SYTL4: variants seen among roughly 807,000 people sequenced by gnomAD.
SYTL4 encodes the protein synaptotagmin-like protein 4.
Under a neutral mutation model 52.7 loss-of-function variants are expected in SYTL4, and 16 were observed. That is an observed-to-expected ratio of 0.30 (90% CI 0.21 to 0.46). SYTL4 has a LOEUF of 0.46. Among genes scored for constraint, SYTL4 ranks in the 20% least tolerant of loss-of-function variants. The probability of loss-of-function intolerance (pLI) is 1.00; values close to 1 mark genes in which losing one functional copy is unlikely to be tolerated. For missense variants in SYTL4, 423 were observed against 519.9 expected (o/e 0.81, Z 1.81); for synonymous variants, 160 against 186.6 (o/e 0.86, Z 1.16).
chrX:100,676,318 C>G (rs1262253763), intron 19 of SYTL4, 142 bp from the exon 20 acceptor site: 4 of 578,862 alleles, frequency 6.9e-6, no homozygotes, highest in Non-Finnish European at 1.1e-5. Flanking sequence ...GGGAAGTGCT[C>G]CCTCACCTGT....
intron 2 of SYTL4, among the ~76,000 whole-genome samples, chrX:100,716,450 C>CAAAAAAAAAAAAAAAA (rs200368843): frequency 3.9e-4 from 10 of 25,773 alleles, no homozygotes; most frequent in Admixed American, 6.2e-4. Context: ...AACTCCATCT[C>CAAAAAAAAAAAAAAAA]AAAAAAAAAA....
intron 2 of SYTL4, among the ~76,000 whole-genome samples, chrX:100,716,753 G>C (rs1226139268): frequency 2.7e-5 from 3 of 110,440 alleles, no homozygotes; most frequent in Non-Finnish European, 3.8e-5. Context: ...GTTGGTTATT[G>C]TATCAACTGC....
rs1331071941 is a variant in SYTL4 at position 100,688,530 on chromosome X, A to G, written c.913-87T>C. 4 of 785,454 alleles carry G rather than the reference A, an allele frequency of 5.1e-6. No individual in the cohort carries two copies. In the Admixed American group the frequency reaches 1.3e-4, roughly 25 times the overall value. The allele number at this position is 785,454 out of a possible 1,213,427, so 64.7% of individuals were successfully genotyped here. A position where few individuals can be genotyped will look rare whatever the true frequency, so the allele number is the denominator to read the frequency against. ...CTAATATCTTTCCTTTAAAGCTCCA[A>G]GTTGCCATGTGTATGTGTACGCACA... is the stretch of plus-strand genomic sequence containing the variant. On this transcript the variant is annotated intron_variant, in intron 12 of 19. Transcript: ENST00000372989.
At position 100,687,073 on chromosome X, in the gene SYTL4, G is replaced by C. The variant is rs1177165020; in HGVS notation, c.1178C>G (p.Ser393Cys). Reference protein sequence around the residue: ...LAYADEAKKRSNPYVKTYLLP... With the variant: ...LAYADEAKKRCNPYVKTYLLP... ...AGGTTCCAGAAGCACTCACGGGTTA[G>C]AGCGCTTCTTGGCTTCATCAGCATA... The change falls in exon 14 of 20, where the codon TCT (serine) becomes TGT (cysteine). Residue 393 changes from serine to cysteine, a missense_variant. Ser to Cys is a moderately radical substitution (Grantham distance 112). Coordinates refer to ENST00000372989, the MANE Select transcript of SYTL4 (RefSeq NM_001370165.1). 12 of 1,210,880 alleles carry C rather than the reference G, an allele frequency of 9.9e-6. No homozygotes were observed. Among genetic ancestry groups the C allele is most frequent in the Admixed American group, 2.2e-5 (1 of 45,961 alleles).
intron 2 of SYTL4, among the ~76,000 whole-genome samples, chrX:100,720,253 C>A (rs2084313357): frequency 8.9e-6 from 1 of 111,752 alleles, no homozygotes; most frequent in South Asian, 3.8e-4. Flanking sequence ...GCCAGTTTAC[C>A]CTCTTCTCTG....
intron 2 of SYTL4, among the ~76,000 whole-genome samples, chrX:100,714,395 G>T (rs1019761562): frequency 9.1e-6 from 1 of 109,655 alleles, no homozygotes; most frequent in Non-Finnish European, 1.9e-5. Flanking sequence ...GAGTAGCTGG[G>T]ACTACAGGCA....
intron 8 of SYTL4, among the ~76,000 whole-genome samples, chrX:100,691,790 G>A (rs753865448): frequency 2.7e-3 from 301 of 111,060 alleles, no homozygotes; most frequent in Non-Finnish European, 4.7e-3. Flanking sequence ...CGCCTGCCTC[G>A]GCCTCCCAAA....
intron 8 of SYTL4, among the ~76,000 whole-genome samples, chrX:100,699,567 C>T (rs1486270909): frequency 1.2e-5 from 1 of 83,640 alleles, no homozygotes; most frequent in African/African-American, 4.8e-5. Flanking sequence ...CGGCTCTCTA[C>T]AACCTCTGCC....
chrX:100,680,349 T>C (rs998163707), intron 17 of SYTL4, among the ~76,000 whole-genome samples: 1 of 111,660 alleles, frequency 9.0e-6, no homozygotes, highest in Non-Finnish European at 1.9e-5. Flanking sequence ...CATACCCTCA[T>C]TGGGGATTTC....
chrX:100,725,340 G>A (rs1327149781), intron 2 of SYTL4, among the ~76,000 whole-genome samples: 2 of 111,986 alleles, frequency 1.8e-5, no homozygotes, highest in East Asian at 2.8e-4. Flanking sequence ...AATAGACAGA[G>A]AGCGTGAATA....
intron 2 of SYTL4, among the ~76,000 whole-genome samples, chrX:100,718,360 C>G (rs2084269764): frequency 9.0e-6 from 1 of 111,678 alleles, no homozygotes; most frequent in African/African-American, 3.3e-5. Flanking sequence ...TTTATTTATA[C>G]ACTGTTCCAG....
Position 100,675,802 on chromosome X carries a change from T to C in SYTL4, c.*226A>G, listed in dbSNP as rs1486326984. 1 of 305,327 alleles carries C rather than the reference T, an allele frequency of 3.3e-6. No individual in the cohort carries two copies. Among genetic ancestry groups the C allele is most frequent in the Non-Finnish European group, 5.6e-6 (1 of 177,212 alleles). The allele number at this position is 305,327 out of a possible 1,213,427, so 25.2% of individuals were successfully genotyped here. On this transcript the variant is annotated 3_prime_UTR_variant, in exon 20 of 20. Coordinates refer to ENST00000372989, the MANE Select transcript of SYTL4 (RefSeq NM_001370165.1). ...TATACACAGAAACATTTTAAAGAAA[T>C]GCTTATTCTTGAGACTGCTTTAAAA...
At chrX:100,719,373 G>A (rs148199997) in intron 2 of SYTL4, among the ~76,000 whole-genome samples, 156 of 111,370 alleles carry the variant, frequency 1.4e-3, no homozygotes, top group African/African-American at 4.7e-3. Context: ...GCTCTTAACC[G>A]TTACATTACA....
In SYTL4 at chrX:100,691,371, T is replaced by C. The variant is rs149963090; in HGVS notation, c.540-162A>G. On this transcript the variant is annotated intron_variant, in intron 8 of 19. Coordinates refer to ENST00000372989, the MANE Select transcript of SYTL4 (RefSeq NM_001370165.1). Reference sequence around the variant, plus strand: ...TAAATTAATTAATTAAGAAATAAGGTCTCGCAATGTTGCCCAGGCTGGAGT... The same window carrying C: ...TAAATTAATTAATTAAGAAATAAGGCCTCGCAATGTTGCCCAGGCTGGAGT... Among the ~76,000 whole-genome samples, 2,185 of 111,679 alleles carry C rather than the reference T, an allele frequency of 0.02. 95 individuals carry two copies. In the East Asian group the frequency reaches 0.25, roughly 13 times the overall value.
intron 8 of SYTL4, among the ~76,000 whole-genome samples, chrX:100,698,429 GA>G (rs1467576262): frequency 1.8e-5 from 2 of 111,726 alleles, no homozygotes; most frequent in Non-Finnish European, 3.8e-5. Context: ...TCAAGAAAAA[GA>G]AAAGAAAATT....
intron 14 of SYTL4, 127 bp downstream of exon 14, chrX:100,686,940 G>T: frequency 1.1e-6 from 1 of 903,426 alleles, no homozygotes; most frequent in Non-Finnish European, 1.5e-6. Flanking sequence ...CCCAATCCTG[G>T]TTCTTTTCCT....
At chrX:100,689,318 T>G (rs1453178285) in intron 12 of SYTL4, among the ~76,000 whole-genome samples, 1 of 104,788 alleles carries the variant, frequency 9.5e-6, no homozygotes, top group Non-Finnish European at 2.0e-5. Context: ...AAGGTGGCAC[T>G]GAGCTATAAT....
intron 3 of SYTL4, among the ~76,000 whole-genome samples, chrX:100,704,496 T>TCC (rs1351705316): frequency 7.1e-5 from 8 of 112,093 alleles, no homozygotes; most frequent in Non-Finnish European, 1.3e-4. Context: ...GCAGAGAGGA[T>TCC]GAAGAAGGTG....
chrX:100,685,845 G>C, intron 16 of SYTL4, 145 bp downstream of exon 16: 2 of 521,800 alleles, frequency 3.8e-6, no homozygotes, highest in Non-Finnish European at 5.8e-6. Flanking sequence ...CTCTGAAATT[G>C]CTGTCAAACT....
Sources: allele counts gnomAD v4.1 joint callset (sites outside exome capture counted in the v4.1 genomes callset), GRCh38; gene constraint gnomAD v4.1.1; transcripts MANE v1.5; gene names NCBI Gene and HGNC (gene_info 2026-07-23, HGNC 2026-07-21).